Variants in SAMMSON observed in about 807,000 individuals in gnomAD.
SAMMSON encodes survival associated mitochondrial melanoma specific oncogenic non-coding RNA, also known as long intergenic non-protein coding RNA 1212.
intron 3 of SAMMSON, among the ~76,000 whole-genome samples, chr3:70,020,297 A>C (rs1369434399): frequency 1.3e-5 from 2 of 152,180 alleles, no homozygotes; most frequent in Non-Finnish European, 2.9e-5. Context: ...CTAAGAGATT[A>C]ATGCAGAAAG....
intron 4 of SAMMSON, among the ~76,000 whole-genome samples, chr3:70,114,034 G>A (rs1483295578): frequency 6.6e-6 from 1 of 152,170 alleles, no homozygotes; most frequent in African/African-American, 2.4e-5. Context: ...TTTGTTATAG[G>A]AGCCTGAGCT....
chr3:70,020,454 T>C (rs2107580450), intron 3 of SAMMSON, among the ~76,000 whole-genome samples: 1 of 152,240 alleles, frequency 6.6e-6, no homozygotes, highest in Admixed American at 6.5e-5. Flanking sequence ...TGCCCACCAA[T>C]ATGGAGACTG....
chr3:70,224,741 A>G (rs1042000853), intron 4 of SAMMSON, among the ~76,000 whole-genome samples: 35 of 152,056 alleles, frequency 2.3e-4, no homozygotes, highest in Non-Finnish European at 4.4e-4. Flanking sequence ...TCATTTAACC[A>G]TTGCGCTCGG....
chr3:70,337,922 G>C (rs2106726778), intron 7 of SAMMSON, among the ~76,000 whole-genome samples: 1 of 151,230 alleles, frequency 6.6e-6, no homozygotes, highest in East Asian at 1.9e-4. Context: ...CCTTCCCCTA[G>C]TTTATTTGAA....
chr3:70,206,659 A>G (rs1249494604), intron 4 of SAMMSON: 1 of 397,794 alleles, frequency 2.5e-6, no homozygotes, highest in Non-Finnish European at 4.4e-6. Context: ...GATGTGCTGG[A>G]TTCTGACAGT....
intron 4 of SAMMSON, among the ~76,000 whole-genome samples, chr3:70,192,209 A>G (rs562781728): frequency 6.6e-6 from 1 of 152,312 alleles, no homozygotes; most frequent in South Asian, 2.1e-4. Context: ...AAAATTCCGG[A>G]GAGAAGAAAA....
intron 9 of SAMMSON, among the ~76,000 whole-genome samples, chr3:70,379,325 T>G (rs535446729): frequency 6.6e-6 from 1 of 152,312 alleles, no homozygotes; most frequent in South Asian, 2.1e-4. Context: ...TCCAAATTAG[T>G]AGGTATCCTG....
Position 70,173,944 on chromosome 3 carries a change from G to C in SAMMSON, n.508-75163G>C, listed in dbSNP as rs141648520. Among the ~76,000 whole-genome samples the C allele has an allele frequency of 3.6e-3, 546 of 151,974 alleles. 2 individuals carry two copies. The highest frequency in any genetic ancestry group is 0.012 in the African/African-American group (510 of 41,510). ...TTCCACATTTCTGCATCTGGGGAATGTAGAATGGATAGGAATCTGAATGGC... is the reference window on the plus strand; with the variant it reads ...TTCCACATTTCTGCATCTGGGGAATCTAGAATGGATAGGAATCTGAATGGC... On this transcript the variant is annotated intron_variant and non_coding_transcript_variant, in intron 4 of 9. Transcript: ENST00000642114.
At chr3:70,354,521 A>G (rs1702815476) in intron 8 of SAMMSON, among the ~76,000 whole-genome samples, 1 of 152,224 alleles carries the variant, frequency 6.6e-6, no homozygotes, top group African/African-American at 2.4e-5. Context: ...CAGTAAAACC[A>G]GGAATGAGGA....
chr3:70,173,706 G>A (rs1001146956), intron 4 of SAMMSON, among the ~76,000 whole-genome samples: 1 of 151,598 alleles, frequency 6.6e-6, no homozygotes, highest in Non-Finnish European at 1.5e-5. Flanking sequence ...TACTTTTTTT[G>A]TGTTTTTACA....
intron 8 of SAMMSON, among the ~76,000 whole-genome samples, chr3:70,355,603 A>G (rs28390101): frequency 0.023 from 3,444 of 152,264 alleles, 127 homozygotes; most frequent in African/African-American, 0.078. Context: ...AAAGAAAGTG[A>G]AAACAGGAGA....
At chr3:70,392,002 C>G (rs1364099210), downstream of SAMMSON, among the ~76,000 whole-genome samples, 2 of 152,132 alleles carry the variant, frequency 1.3e-5, no homozygotes, top group African/African-American at 4.8e-5. Context: ...TATGGTGAGA[C>G]AAGCCCATCT....
chr3:70,285,345 A>G (rs1702149320), intron 6 of SAMMSON, among the ~76,000 whole-genome samples: 1 of 151,760 alleles, frequency 6.6e-6, no homozygotes, highest in African/African-American at 2.4e-5. Flanking sequence ...ACTGAGAATG[A>G]TGACTTCCAA....
intron 4 of SAMMSON, among the ~76,000 whole-genome samples, chr3:70,106,415 A>G (rs1381888114): frequency 1.3e-5 from 2 of 151,100 alleles, no homozygotes; most frequent in African/African-American, 4.9e-5. Context: ...ATCATAGCAC[A>G]TTGTAGTTTC....
chr3:70,323,247 A>AT (rs761953051), intron 7 of SAMMSON, among the ~76,000 whole-genome samples: 1 of 152,094 alleles, frequency 6.6e-6, no homozygotes, highest in Admixed American at 6.6e-5. Flanking sequence ...TTAATCCGAG[A>AT]TTTTTTGTCA....
chr3:70,200,314 T>C (rs923961096), intron 4 of SAMMSON, among the ~76,000 whole-genome samples: 3 of 152,200 alleles, frequency 2.0e-5, no homozygotes, highest in Non-Finnish European at 4.4e-5. Context: ...TAGAGAAAAG[T>C]GCCAAATCCT....
In SAMMSON at chr3:70,017,932, G is replaced by A. The variant is rs573646839; in HGVS notation, n.417+4260G>A. ...ACCAGCCTTGCATCCCAGGGATGAA[G>A]CCCACGTGATCATGGTGGATAAGCT... On this transcript the variant is annotated intron_variant and non_coding_transcript_variant, in intron 3 of 9. Coordinates refer to ENST00000642114, the Ensembl canonical transcript of SAMMSON. 3.3e-4 allele frequency among the ~76,000 whole-genome samples: 51 copies of A among 152,264 alleles called. No individual in the cohort carries two copies. The East Asian group carries it at 7.9e-3, about 24-fold the overall frequency.
chr3:70,156,861 G>A (rs189888823), intron 4 of SAMMSON, among the ~76,000 whole-genome samples: 45 of 152,222 alleles, frequency 3.0e-4, no homozygotes, highest in Admixed American at 9.2e-4. Flanking sequence ...TGTATCAACT[G>A]TAGTCCATGG....
At chr3:70,395,331 C>T (rs867553694) in intron 2 of SAMMSON, among the ~76,000 whole-genome samples, 28 of 113,610 alleles carry the variant, frequency 2.5e-4, no homozygotes, top group South Asian at 3.3e-4. Flanking sequence ...CTCTCTCTCT[C>T]TTTTTTTTTT....
Sources: gnomAD v4.1 joint callset for allele counts (sites outside exome capture counted in the v4.1 genomes callset) on GRCh38, gnomAD v4.1.1 for gene constraint, MANE v1.5 for transcripts, NCBI Gene and HGNC (gene_info 2026-07-23, HGNC 2026-07-21) for gene names.